XKR5: variants seen among roughly 807,000 people sequenced by gnomAD.
XKR5 encodes the protein XK related 5.
XKR5 carries 46 observed loss-of-function variants against 40.8 expected under a neutral mutation model. The ratio of observed to expected loss-of-function variants is 1.13; its 90% CI spans 0.89 to 1.44. The LOEUF (loss-of-function observed/expected upper bound fraction) is 1.44. XKR5 is among the 40% of genes most tolerant of loss of function. The probability of loss-of-function intolerance (pLI) is 0.00; values close to 1 mark genes in which losing one functional copy is unlikely to be tolerated. For missense variants in XKR5, 1,169 were observed against 844.7 expected (o/e 1.38, Z -4.76); for synonymous variants, 466 against 356.1 (o/e 1.31, Z -3.48).
intron 6 of XKR5, among the ~76,000 whole-genome samples, chr8:6,814,922 G>A (rs1376060739): frequency 6.6e-6 from 1 of 152,198 alleles, no homozygotes; most frequent in Non-Finnish European, 1.5e-5. Flanking sequence ...TCCAACCCCC[G>A]GCTGCTGTGA....
intron 1 of XKR5, among the ~76,000 whole-genome samples, chr8:6,833,793 C>A (rs1337450593): frequency 1.3e-5 from 2 of 152,218 alleles, no homozygotes; most frequent in Admixed American, 6.5e-5. Context: ...AGGCTGGGAG[C>A]CAGCAGAGCC....
rs182055801 is a variant in XKR5, at chr8:6,830,176, G to T, written c.242+2541C>A. Among the ~76,000 whole-genome samples, 314 of 152,250 alleles carry T rather than the reference G, an allele frequency of 2.1e-3. 2 individuals are homozygous for T. The highest frequency in any genetic ancestry group is 3.4e-3 in the Middle Eastern group (1 of 294). ...TTTATAAGCAACTTTGTGTTTTACT[G>T]GATTCTCAGTTAGCAGATTCTTTTG... On this transcript the variant is annotated intron_variant, in intron 2 of 6. Transcript: ENST00000618742.
chr8:6,829,245 G>A (rs1362069090), intron 2 of XKR5: 1 of 169,278 alleles, frequency 5.9e-6, no homozygotes, highest in Non-Finnish European at 1.5e-5. Flanking sequence ...CAAGGTGCAT[G>A]CTAAGGATGA....
Position 6,825,152 on chromosome 8 carries a change from G to T in XKR5, c.427+13C>A. On this transcript the variant is annotated intron_variant, in intron 3 of 6. Transcript: ENST00000618742. ...AGTCAGACAGTCTGTGCTCTGTGGT[G>T]ACAGTTACTCACCTGGCACAATATC... 6.2e-7 allele frequency: 1 copy of T among 1,613,304 alleles called. No individual in the cohort carries two copies. The highest frequency in any genetic ancestry group is 1.1e-5 in the South Asian group (1 of 90,876).
Position 6,809,962 on chromosome 8 carries a change from A to T in XKR5, c.*1236T>A, listed in dbSNP as rs1803607169. The T allele has an allele frequency of 6.6e-6, 1 of 152,194 alleles. No homozygotes were observed. Among genetic ancestry groups the T allele is most frequent in the African/African-American group, 2.4e-5 (1 of 41,438 alleles). 9.4% of individuals were successfully genotyped at this position (152,194 alleles called of 1,614,324 possible). A position where few individuals can be genotyped will look rare whatever the true frequency, so the allele number is the denominator to read the frequency against. Reference sequence around the variant, plus strand: ...CCTGTCTCTACAAAAAATACAAAAAAGTAGCCAGGCATGGTGCCCACCTGC... The same window carrying T: ...CCTGTCTCTACAAAAAATACAAAAATGTAGCCAGGCATGGTGCCCACCTGC... On this transcript the variant is annotated 3_prime_UTR_variant, in exon 7 of 7. Transcript: ENST00000618742.
intron 2 of XKR5, among the ~76,000 whole-genome samples, chr8:6,828,965 G>A (rs527252105): frequency 1.3e-4 from 20 of 152,220 alleles, no homozygotes; most frequent in Admixed American, 2.6e-4. Flanking sequence ...CTTCTGGCAC[G>A]CATCTATGTC....
rs756005036 is a variant in XKR5 at position 6,815,939 on chromosome 8, G to C, written c.808-21C>G. On this transcript the variant is annotated intron_variant, in intron 5 of 6. Coordinates refer to ENST00000618742, the MANE Select transcript of XKR5 (RefSeq NM_207411.5). ...ATGACCTGCGGGACCCAGGACAGAGGCACCACACCTCGTCAGGTGCACACT... is the reference window on the plus strand; with the variant it reads ...ATGACCTGCGGGACCCAGGACAGAGCCACCACACCTCGTCAGGTGCACACT... 1.1e-4 allele frequency: 167 copies of C among 1,559,774 alleles called. 1 individual carries two copies. The highest frequency in any genetic ancestry group is 1.4e-4 in the Non-Finnish European group (166 of 1,145,204).
Position 6,811,130 on chromosome 8 carries a change from C to A in XKR5, c.*68G>T. The A allele has an allele frequency of 6.9e-7, 1 of 1,438,914 alleles. No homozygotes were observed. The highest frequency in any genetic ancestry group is 9.2e-7 in the Non-Finnish European group (1 of 1,087,342). The allele number at this position is 1,438,914 out of a possible 1,614,324, so 89.1% of individuals were successfully genotyped here. On this transcript the variant is annotated 3_prime_UTR_variant, in exon 7 of 7. Coordinates refer to ENST00000618742, the MANE Select transcript of XKR5 (RefSeq NM_207411.5). ...GACACAGGTGTCAGAAGTGGGATTTCCTTTCTCACGGTACCAAATGGCCAG... is the reference window on the plus strand; with the variant it reads ...GACACAGGTGTCAGAAGTGGGATTTACTTTCTCACGGTACCAAATGGCCAG...
intron 6 of XKR5, among the ~76,000 whole-genome samples, chr8:6,813,619 G>T (rs991604909): frequency 2.0e-5 from 3 of 152,192 alleles, no homozygotes; most frequent in East Asian, 1.9e-4. Context: ...GGGTCGGCTG[G>T]GAGTCAGGGG....
At chr8:6,830,720 C>T (rs1804728507) in intron 2 of XKR5, among the ~76,000 whole-genome samples, 1 of 152,042 alleles carries the variant, frequency 6.6e-6, no homozygotes, top group Non-Finnish European at 1.5e-5. Context: ...AATGGTTTTT[C>T]CTAATTTATA....
intron 2 of XKR5, among the ~76,000 whole-genome samples, chr8:6,832,447 A>G (rs1587206134): frequency 1.3e-5 from 2 of 152,322 alleles, no homozygotes; most frequent in South Asian, 4.2e-4. Context: ...TCAAAACAGC[A>G]AGACAGGGCT....
chr8:6,810,174 G>A lies in XKR5; in HGVS notation c.*1024C>T, dbSNP rs1803617121. 1 of 152,234 alleles carries A rather than the reference G, an allele frequency of 6.6e-6. No individual in the cohort carries two copies. The highest frequency in any genetic ancestry group is 6.5e-5 in the Admixed American group (1 of 15,280). 9.4% of individuals were successfully genotyped at this position (152,234 alleles called of 1,614,324 possible). A position where few individuals can be genotyped will look rare whatever the true frequency, so the allele number is the denominator to read the frequency against. On this transcript the variant is annotated 3_prime_UTR_variant, in exon 7 of 7. Transcript: ENST00000618742. ...AATACCCATCCCTAAATAGCATCCA[G>A]CTCTCTGTGTGCCTTTCTCTTTGAT...
intron 2 of XKR5, among the ~76,000 whole-genome samples, chr8:6,831,051 C>G (rs968728738): frequency 6.6e-6 from 1 of 152,218 alleles, no homozygotes; most frequent in African/African-American, 2.4e-5. Context: ...TTACCTCTCT[C>G]TTTGGGCTGC....
intron 1 of XKR5, 39 bp downstream of exon 1, chr8:6,835,397 G>A (rs1364119426): frequency 2.1e-6 from 3 of 1,406,606 alleles, no homozygotes; most frequent in Non-Finnish European, 2.8e-6. Context: ...GGGGTTAGGG[G>A]CTGCAGGGGT....
In XKR5 at chr8:6,810,962, C is replaced by T. The variant is rs2977809; in HGVS notation, c.*236G>A. ...CAATTTTGACTGGAATCTCTTTCTC[C>T]TCCTCTAAAGTATGTTAGAGTCTCT... On this transcript the variant is annotated 3_prime_UTR_variant, in exon 7 of 7. Transcript: ENST00000618742. 0.026 allele frequency: 9,658 copies of T among 378,334 alleles called. 198 individuals are homozygous for T. Among genetic ancestry groups the T allele is most frequent in the Non-Finnish European group, 0.033 (7,039 of 212,840 alleles). The allele number at this position is 378,334 out of a possible 1,614,324, so 23.4% of individuals were successfully genotyped here. A position where few individuals can be genotyped will look rare whatever the true frequency, so the allele number is the denominator to read the frequency against.
intron 6 of XKR5, among the ~76,000 whole-genome samples, chr8:6,814,697 T>A (rs1316251498): frequency 6.6e-6 from 1 of 152,202 alleles, no homozygotes; most frequent in East Asian, 1.9e-4. Flanking sequence ...AAGAAGGGGT[T>A]GTCTCAGCTA....
chr8:6,832,987 G>T, intron 1 of XKR5, 87 bp from the exon 2 acceptor site: 1 of 1,225,488 alleles, frequency 8.2e-7, no homozygotes, highest in Non-Finnish European at 1.1e-6. Flanking sequence ...AACATTTTCT[G>T]GATGTTATGA....
At chr8:6,834,057 C>A (rs1039211626) in intron 1 of XKR5, among the ~76,000 whole-genome samples, 4 of 152,106 alleles carry the variant, frequency 2.6e-5, no homozygotes, top group Non-Finnish European at 5.9e-5. Flanking sequence ...TCTGTGGGGT[C>A]CCTTTTCTCC....
chr8:6,814,547 C>T (rs117264175), intron 6 of XKR5, among the ~76,000 whole-genome samples: 1,761 of 152,256 alleles, frequency 0.012, 13 homozygotes, highest in Middle Eastern at 0.054. Context: ...TGCACCTCGA[C>T]GTACTACTTT....
Sources: allele counts gnomAD v4.1 joint callset (sites outside exome capture counted in the v4.1 genomes callset), GRCh38; gene constraint gnomAD v4.1.1; transcripts MANE v1.5; gene names NCBI Gene and HGNC (gene_info 2026-07-23, HGNC 2026-07-21).